The following CPHXL2 variants were observed in gnomAD, a reference collection of about 807,000 sequenced individuals.
CPHXL2 encodes cytoplasmic polyadenylated homeobox like 2, also known as cytoplasmic polyadenylated homeobox-like protein 2.
chr16:75,674,986 C>T, the CPHXL2 span, among the ~76,000 whole-genome samples: 6 of 150,618 alleles, frequency 4.0e-5, no homozygotes, highest in African/African-American at 9.7e-5. Flanking sequence ...GTCAGGAGTT[C>T]GAGACCAGCC....
chr16:75,670,619 G>T, the CPHXL2 span, among the ~76,000 whole-genome samples: 25 of 151,948 alleles, frequency 1.6e-4, no homozygotes, highest in Middle Eastern at 3.4e-3. Flanking sequence ...AGCGATTCTT[G>T]CGCCTCAGCC....
the CPHXL2 span, among the ~76,000 whole-genome samples, chr16:75,670,215 G>T: frequency 6.6e-6 from 1 of 152,120 alleles, no homozygotes; most frequent in East Asian, 1.9e-4. Context: ...CGCCGGCTGA[G>T]AATTTATCTT....
At chr16:75,664,689 T>C in the CPHXL2 span, among the ~76,000 whole-genome samples, 2 of 150,862 alleles carry the variant, frequency 1.3e-5, no homozygotes, top group Non-Finnish European at 2.9e-5. Flanking sequence ...ATCTTCAACA[T>C]GGCAGCACTG....
chr16:75,672,651 A>G, the CPHXL2 span, among the ~76,000 whole-genome samples: 1 of 152,078 alleles, frequency 6.6e-6, no homozygotes, highest in Non-Finnish European at 1.5e-5. Context: ...CGCCCGGATA[A>G]TTTTTGAATT....
At chr16:75,673,415 AGAGT>A in the CPHXL2 span, among the ~76,000 whole-genome samples, 1 of 151,882 alleles carries the variant, frequency 6.6e-6, no homozygotes, top group South Asian at 2.1e-4. Context: ...AGCCTAGGAG[AGAGT>A]GAGTGCTAGG....
the CPHXL2 span, chr16:75,669,464 A>G: frequency 1.2e-5 from 5 of 400,648 alleles, no homozygotes; most frequent in Non-Finnish European, 2.2e-5. Flanking sequence ...AGTTCCTGCA[A>G]TAATTCTTCA....
chr16:75,663,906 A>G, the CPHXL2 span, among the ~76,000 whole-genome samples: 1 of 148,246 alleles, frequency 6.7e-6, no homozygotes, highest in African/African-American at 2.5e-5. Context: ...AAAAAAAAAG[A>G]AACATAAAAC....
At chr16:75,672,211 G>A in the CPHXL2 span, among the ~76,000 whole-genome samples, 2 of 151,742 alleles carry the variant, frequency 1.3e-5, no homozygotes, top group African/African-American at 4.8e-5. Context: ...ACTGGGAGGC[G>A]GAGATTTTAG....
the CPHXL2 span, chr16:75,660,735 G>A: frequency 2.5e-6 from 1 of 398,572 alleles, no homozygotes; most frequent in Admixed American, 4.4e-5. Flanking sequence ...CCTGGTTTCA[G>A]TCCTTTCTCC....
At chr16:75,674,169 T>C in the CPHXL2 span, among the ~76,000 whole-genome samples, 8 of 150,946 alleles carry the variant, frequency 5.3e-5, no homozygotes, top group South Asian at 6.3e-4. Context: ...GTCAGGAGAT[T>C]GAGACCATCC....
chr16:75,676,608 C>T, the CPHXL2 span, among the ~76,000 whole-genome samples: 1 of 152,198 alleles, frequency 6.6e-6, no homozygotes, highest in African/African-American at 2.4e-5. Flanking sequence ...AGGCATGAGC[C>T]ACTGCTTCCA....
At chr16:75,668,832 C>G in the CPHXL2 span, among the ~76,000 whole-genome samples, 1 of 151,982 alleles carries the variant, frequency 6.6e-6, no homozygotes, top group East Asian at 1.9e-4. Flanking sequence ...AGCCTATTTT[C>G]TTTTTTTAAA....
the CPHXL2 span, chr16:75,669,621 A>G: frequency 2.5e-5 from 10 of 397,932 alleles, no homozygotes; most frequent in Admixed American, 2.2e-4. Flanking sequence ...ACCAAAGAAG[A>G]GTGTTAGCAC....
At chr16:75,674,899 G>A in the CPHXL2 span, among the ~76,000 whole-genome samples, 6 of 151,850 alleles carry the variant, frequency 4.0e-5, no homozygotes, top group African/African-American at 9.7e-5. Context: ...TAATAGAGAT[G>A]GGGTTTCACC....
the CPHXL2 span, among the ~76,000 whole-genome samples, chr16:75,676,531 A>T: frequency 2.0e-5 from 3 of 152,138 alleles, no homozygotes; most frequent in African/African-American, 7.2e-5. Flanking sequence ...TATGTTGCCT[A>T]GGCTTGTCTC....
chr16:75,664,929 T>C, the CPHXL2 span, among the ~76,000 whole-genome samples: 1 of 152,192 alleles, frequency 6.6e-6, no homozygotes, highest in Non-Finnish European at 1.5e-5. Context: ...CCCTTTGACC[T>C]TGGACTTCTC....
chr16:75,676,942 C>T, the CPHXL2 span: 5 of 398,520 alleles, frequency 1.3e-5, no homozygotes, highest in Non-Finnish European at 2.2e-5. Flanking sequence ...TGGAAACAGT[C>T]TTCTCACAAC....
At chr16:75,661,177 G>GT in the CPHXL2 span, 3 of 400,636 alleles carry the variant, frequency 7.5e-6, no homozygotes, top group East Asian at 3.6e-5. Flanking sequence ...GGGAAATCGT[G>GT]TTTTTTCCAA....
At chr16:75,662,794 T>TTA in the CPHXL2 span, among the ~76,000 whole-genome samples, 1 of 146,648 alleles carries the variant, frequency 6.8e-6, no homozygotes, top group African/African-American at 2.5e-5. Flanking sequence ...AGGGAGATAA[T>TTA]TCTTTTTTTT....
Sources: allele counts gnomAD v4.1 joint callset (sites outside exome capture counted in the v4.1 genomes callset), GRCh38; gene constraint gnomAD v4.1.1; transcripts MANE v1.5; gene names NCBI Gene and HGNC (gene_info 2026-07-23, HGNC 2026-07-21).